Variants in ADRA1D observed in about 807,000 individuals in gnomAD.
The protein encoded by ADRA1D is adrenoceptor alpha 1D, also known as alpha-1D adrenergic receptor.
A neutral mutation model predicts 18.6 loss-of-function variants in ADRA1D; 22 were observed. The observed-to-expected ratio is 1.19, with a 90% confidence interval of 0.85 to 1.69. The LOEUF is 1.69. Ranked by LOEUF, ADRA1D falls within the 40% of genes most tolerant of loss-of-function variation. The probability of loss-of-function intolerance (pLI) is 0.00; values close to 1 mark genes in which losing one functional copy is unlikely to be tolerated. For missense variants in ADRA1D, 840 were observed against 840.7 expected, an observed-to-expected ratio of 1.00 and a Z score of 0.01; for synonymous variants, 376 against 388.2, an observed-to-expected ratio of 0.97 and a Z score of 0.37.
chr20:4,248,825 C>T lies in ADRA1D; in HGVS notation c.133G>A (p.Gly45Ser). 9.7e-7 allele frequency: 1 copy of T among 1,028,114 alleles called. No homozygotes were observed. Among genetic ancestry groups the T allele is most frequent in the Non-Finnish European group, 1.2e-6 (1 of 860,252 alleles). The allele number at this position is 1,028,114 out of a possible 1,614,324, so 63.7% of individuals were successfully genotyped here. ...AAPSEGPAVG[G>S]VPGGAGGGGG... ...CCGCCGCCCGCGCCCCCCGGCACGC[C>T]GCCCACCGCCGGGCCCTCCGAGGGG... The change falls in exon 1 of 2, where the codon GGC (glycine) becomes AGC (serine). Residue 45 changes from glycine to serine, a missense_variant. Transcript: ENST00000379453.
In ADRA1D at chr20:4,249,047, A is replaced by C; in HGVS notation, c.-90T>G. On this transcript the variant is annotated 5_prime_UTR_variant, in exon 1 of 2. Transcript: ENST00000379453. ...ACAGGGCATAGCCGCGGGGCTCCAGATGCAGCTCCGCGCACGGGTCCCGTC... is the reference window on the plus strand; with the variant it reads ...ACAGGGCATAGCCGCGGGGCTCCAGCTGCAGCTCCGCGCACGGGTCCCGTC... 1.0e-6 allele frequency: 1 copy of C among 995,270 alleles called. No homozygotes were observed. Among genetic ancestry groups the C allele is most frequent in the Non-Finnish European group, 1.2e-6 (1 of 804,578 alleles). 61.7% of individuals were successfully genotyped at this position (995,270 alleles called of 1,614,324 possible).
chr20:4,221,445 C>A lies in ADRA1D; in HGVS notation c.*78G>T. 5.4e-6 allele frequency: 8 copies of A among 1,470,246 alleles called. No individual in the cohort carries two copies. The highest frequency in any genetic ancestry group is 7.4e-6 in the Non-Finnish European group (8 of 1,086,756). 91.1% of individuals were successfully genotyped at this position (1,470,246 alleles called of 1,614,324 possible). ...TCCGGGTCTCCGATTTGCACGGGGG[C>A]TCTTAGAACACCAGCCCGCCTCTCT... On this transcript the variant is annotated 3_prime_UTR_variant, in exon 2 of 2. Coordinates refer to ENST00000379453, the MANE Select transcript of ADRA1D (RefSeq NM_000678.4).
In ADRA1D at chr20:4,221,473, T is replaced by C. The variant is rs964376736; in HGVS notation, c.*50A>G. 1.6e-5 allele frequency: 25 copies of C among 1,539,370 alleles called. No individual in the cohort carries two copies. The highest frequency in any genetic ancestry group is 3.9e-5 in the Admixed American group (2 of 50,790). The stretch of plus-strand genomic sequence containing the variant: ...TTAGAACACCAGCCCGCCTCTCTGG[T>C]CCCCCTTACCCCCAAGCCCAGCACA... On this transcript the variant is annotated 3_prime_UTR_variant, in exon 2 of 2. Transcript: ENST00000379453.
rs57205653 is a variant in ADRA1D at position 4,240,407 on chromosome 20, CTTTTT to C, written c.1111+7435_1111+7439del. 1.4e-3 allele frequency among the ~76,000 whole-genome samples: 199 copies of C among 142,710 alleles called. 1 individual carries two copies. Among genetic ancestry groups the C allele is most frequent in the African/African-American group, 4.5e-3 (174 of 38,802 alleles). The allele number at this position is 142,710 out of a possible 152,430, so 93.6% of individuals were successfully genotyped here. A position where few individuals can be genotyped will look rare whatever the true frequency, so the allele number is the denominator to read the frequency against. ...TTTATGTGTTATAATGGATTGTGGG[CTTTTT>C]TTTTTTTTTTTTACAGTTATTATCT... is the stretch of plus-strand genomic sequence containing the variant. On this transcript the variant is annotated intron_variant, in intron 1 of 1. Transcript: ENST00000379453.
Position 4,248,088 on chromosome 20 carries a change from C to G in ADRA1D, c.870G>C (p.Ala290=), listed in dbSNP as rs35105284. The G allele has an allele frequency of 6.4e-7, 1 of 1,552,928 alleles. No homozygotes were observed. The highest frequency in any genetic ancestry group is 8.7e-7 in the Non-Finnish European group (1 of 1,148,690). The change falls in exon 1 of 2, where the codon GCG becomes GCC. Residue 290 remains alanine, a synonymous_variant. Coordinates refer to ENST00000379453, the MANE Select transcript of ADRA1D (RefSeq NM_000678.4). ...CCTTGCCTCGCTCGCGCTTGACGCC[C>G]GCCTCGAGGCTGCGCGTGGTGCTGC... ...VARSTTRSLE[A]GVKRERGKAS... is the part of the protein sequence containing the mutation.
chr20:4,222,257 C>G lies in ADRA1D; in HGVS notation c.1112-127G>C. 7.5e-7 allele frequency: 1 copy of G among 1,333,154 alleles called. No homozygotes were observed. The highest frequency in any genetic ancestry group is 9.9e-7 in the Non-Finnish European group (1 of 1,009,026). The allele number at this position is 1,333,154 out of a possible 1,614,324, so 82.6% of individuals were successfully genotyped here. On this transcript the variant is annotated intron_variant, in intron 1 of 1. Coordinates refer to ENST00000379453, the MANE Select transcript of ADRA1D (RefSeq NM_000678.4). The surrounding 1 kb of genome is among the most constrained non-coding windows in gnomAD (Gnocchi z 4.3). ...ATTGACTAGGAGTTCTCAAGGGATC[C>G]GTGCTGTAAATCAGGAGGTCCATGA...
chr20:4,230,327 C>T (rs976293486), intron 1 of ADRA1D, among the ~76,000 whole-genome samples: 2 of 152,336 alleles, frequency 1.3e-5, no homozygotes. Context: ...CCAAGAAGAC[C>T]TCACAGGCAT....
chr20:4,231,067 T>TTTCTTTCTTTCTTTCTTC (rs1980951723), intron 1 of ADRA1D, among the ~76,000 whole-genome samples: 1 of 80,458 alleles, frequency 1.2e-5, no homozygotes, highest in Non-Finnish European at 2.4e-5. Flanking sequence ...TCTTTCTTTC[T>TTTCTTTCTTTCTTTCTTC]CTCTCTCTCT....
chr20:4,233,989 G>A (rs982367048), intron 1 of ADRA1D, among the ~76,000 whole-genome samples: 7 of 152,180 alleles, frequency 4.6e-5, no homozygotes, highest in African/African-American at 9.7e-5. Context: ...TGGGGTGCCC[G>A]TGTCAGGAGT....
At chr20:4,231,020 CTCTTTCTCTT>C (rs1568764512) in intron 1 of ADRA1D, among the ~76,000 whole-genome samples, 195 of 140,818 alleles carry the variant, frequency 1.4e-3, no homozygotes, top group Middle Eastern at 3.8e-3. Context: ...GCTTTCTTTT[CTCTTTCTCTT>C]TCTTTCTTTT....
chr20:4,247,470 C>T (rs1271129514), intron 1 of ADRA1D, among the ~76,000 whole-genome samples: 1 of 152,192 alleles, frequency 6.6e-6, no homozygotes, highest in Non-Finnish European at 1.5e-5. Flanking sequence ...TAGGCCCACC[C>T]ACTCTGTGCA....
Position 4,221,889 on chromosome 20 carries a change from C to T in ADRA1D, c.1353G>A (p.Pro451=). 2 of 1,488,424 alleles carry T rather than the reference C, an allele frequency of 1.3e-6. No homozygotes were observed. Among genetic ancestry groups the T allele is most frequent in the Non-Finnish European group, 1.8e-6 (2 of 1,125,758 alleles). The allele number at this position is 1,488,424 out of a possible 1,614,324, so 92.2% of individuals were successfully genotyped here. ...STSGLRQDCA[P]SSGDAPPGAP... ...CTCCGGGGGGCGCGTCGCCCGAACT[C>T]GGGGCGCAGTCCTGGCGCAGGCCGC... Residue 451 remains proline (P), a synonymous_variant, in exon 2 of 2, where the codon CCG becomes CCA. Transcript: ENST00000379453.
chr20:4,231,261 C>T (rs1980962280), intron 1 of ADRA1D, among the ~76,000 whole-genome samples: 1 of 95,632 alleles, frequency 1.0e-5, no homozygotes, highest in African/African-American at 4.3e-5. Flanking sequence ...CTACACCTGG[C>T]TAATTGTTAT....
chr20:4,227,747 CTTCT>C (rs1568763478), intron 1 of ADRA1D, among the ~76,000 whole-genome samples: 1 of 130,990 alleles, frequency 7.6e-6, no homozygotes, highest in Admixed American at 8.1e-5. Flanking sequence ...TCCTTCCTTC[CTTCT>C]TCTCTCTCTC....
intron 1 of ADRA1D, among the ~76,000 whole-genome samples, chr20:4,236,580 G>A (rs1315649726): frequency 2.6e-5 from 4 of 152,286 alleles, no homozygotes; most frequent in Admixed American, 6.5e-5. Flanking sequence ...GGAGAGGACC[G>A]AGCCCCTGTG....
chr20:4,221,819 G>A lies in ADRA1D; in HGVS notation c.1423C>T (p.Pro475Ser). 6.5e-7 allele frequency: 1 copy of A among 1,532,862 alleles called. No homozygotes were observed. Among genetic ancestry groups the A allele is most frequent in the Non-Finnish European group, 8.7e-7 (1 of 1,145,002 alleles). The allele number at this position is 1,532,862 out of a possible 1,614,324, so 95.0% of individuals were successfully genotyped here. Reference sequence around the variant, plus strand: ...GGAGCCTGCATCTCGGGCGTGCCTGGGGGTTCGGGGTCGGGGTCGGGGAGC... The same window carrying A: ...GGAGCCTGCATCTCGGGCGTGCCTGAGGGTTCGGGGTCGGGGTCGGGGAGC... ...TALPDPDPEP[P>S]GTPEMQAPVA... The change falls in exon 2 of 2, where the codon CCA becomes TCA. Residue 475 changes from proline to serine, a missense_variant. Transcript: ENST00000379453.
In ADRA1D at chr20:4,220,694, A is replaced by C. The variant is rs1393923503; in HGVS notation, c.*829T>G. On this transcript the variant is annotated 3_prime_UTR_variant, in exon 2 of 2. Transcript: ENST00000379453. ...GTTCTTGACAGACTTTAGGGGAAAA[A>C]GTATTTTTTTTTTAATGGGTTATGG... The C allele has an allele frequency of 6.6e-6, 1 of 152,378 alleles. No homozygotes were observed. The highest frequency in any genetic ancestry group is 1.5e-5 in the Non-Finnish European group (1 of 68,038). The allele number at this position is 152,378 out of a possible 1,614,324, so 9.4% of individuals were successfully genotyped here.
chr20:4,221,691 C>T lies in ADRA1D; in HGVS notation c.1551G>A (p.Leu517=). 1 of 1,611,984 alleles carries T rather than the reference C, an allele frequency of 6.2e-7. No individual in the cohort carries two copies. ...TTQLRAKVSS[L]SHKIRAGGAQ... is the part of the protein sequence containing the mutation. Reference sequence around the variant, plus strand: ...CGCCCCCGGCGCGGATCTTGTGCGACAGGCTGGAGACTTTGGCGCGCAGCT... The same window carrying T: ...CGCCCCCGGCGCGGATCTTGTGCGATAGGCTGGAGACTTTGGCGCGCAGCT... The change falls in exon 2 of 2, where the codon CTG becomes CTA. Residue 517 remains leucine, a synonymous_variant. Coordinates refer to ENST00000379453, the MANE Select transcript of ADRA1D (RefSeq NM_000678.4).
chr20:4,226,214 C>A (rs1980796553), intron 1 of ADRA1D, among the ~76,000 whole-genome samples: 1 of 152,206 alleles, frequency 6.6e-6, no homozygotes, highest in Non-Finnish European at 1.5e-5. Flanking sequence ...TTATGCTCAA[C>A]CAACCTGAAG....
Sources: gnomAD v4.1 joint callset for allele counts (sites outside exome capture counted in the v4.1 genomes callset) on GRCh38, gnomAD v4.1.1 for gene constraint, Gnocchi (gnomAD v3.1) non-coding constraint, MANE v1.5 for transcripts, NCBI Gene and HGNC (gene_info 2026-07-23, HGNC 2026-07-21) for gene names.